GPN2: variants seen among roughly 807,000 people sequenced by gnomAD.
GPN2 encodes ATP-binding domain 1 family member B.
GPN2 carries 27 observed loss-of-function variants against 30.1 expected under a neutral mutation model. That is an observed-to-expected ratio of 0.90 (90% CI 0.66 to 1.24). The LOEUF (loss-of-function observed/expected upper bound fraction) is 1.24. Among genes scored for constraint, GPN2 ranks in the 50% most tolerant of loss-of-function variants. GPN2 has a pLI of 0.00. For missense variants in GPN2, 406 were observed against 405.4 expected (o/e 1.00, Z -0.01); for synonymous variants, 212 against 174.4 (o/e 1.22, Z -1.70).
At chr1:26,880,621 T>G (rs2081859681) in intron 4 of GPN2, among the ~76,000 whole-genome samples, 1 of 152,014 alleles carries the variant, frequency 6.6e-6, no homozygotes, top group Non-Finnish European at 1.5e-5. Context: ...AAAAATAAAT[T>G]TTTATACTTT....
intron 2 of GPN2, among the ~76,000 whole-genome samples, chr1:26,888,482 AACTG>A (rs1288445930): frequency 6.6e-6 from 1 of 152,202 alleles, no homozygotes; most frequent in East Asian, 1.9e-4. Context: ...TGGCAGCACA[AACTG>A]ACTAAGACAA....
chr1:26,878,721 A>C lies in GPN2; in HGVS notation c.*956T>G, dbSNP rs1015993379. ...ATGATTCTCCTGCCTCAGCCTCCCA[A>C]GTAGCTGGAACTACAGGTACGCGCC... On this transcript the variant is annotated 3_prime_UTR_variant, in exon 5 of 5. Coordinates refer to ENST00000374135, the MANE Select transcript of GPN2 (RefSeq NM_018066.4). 6.6e-5 allele frequency: 10 copies of C among 151,860 alleles called. No individual in the cohort carries two copies. The highest frequency in any genetic ancestry group is 2.2e-4 in the African/African-American group (9 of 41,292). The allele number at this position is 151,860 out of a possible 1,614,324, so 9.4% of individuals were successfully genotyped here. A position where few individuals can be genotyped will look rare whatever the true frequency, so the allele number is the denominator to read the frequency against.
Position 26,884,288 on chromosome 1 carries a change from G to A in GPN2, c.732C>T (p.Asp244=). 6.2e-7 allele frequency: 1 copy of A among 1,607,870 alleles called. No homozygotes were observed. The highest frequency in any genetic ancestry group is 8.5e-7 in the Non-Finnish European group (1 of 1,178,282). Residue 244 remains aspartate (D), a splice_region_variant and synonymous_variant, in exon 4 of 5, where the codon GAC becomes GAT. Coordinates refer to ENST00000374135, the MANE Select transcript of GPN2 (RefSeq NM_018066.4). ...GCAGGACTCGCTGGATGCTCTCCTT[G>A]TCCTGAGCAGGGAGGAGAGAAACAG... ...LVSFIPLNIQ[D]KESIQRVLQA...
chr1:26,879,853 C>A, intron 4 of GPN2, 104 bp from the exon 5 acceptor site: 1 of 744,182 alleles, frequency 1.3e-6, no homozygotes, highest in Non-Finnish European at 2.4e-6. Context: ...CATGTCCATC[C>A]CTCTCTTCCT....
intron 4 of GPN2, among the ~76,000 whole-genome samples, chr1:26,882,613 C>T (rs892766234): frequency 2.6e-5 from 4 of 152,170 alleles, no homozygotes; most frequent in Admixed American, 2.6e-4. Context: ...TCCTGAGTCC[C>T]CCTTGTCTCC....
At chr1:26,880,058 T>G (rs2081856752) in intron 4 of GPN2, among the ~76,000 whole-genome samples, 1 of 152,020 alleles carries the variant, frequency 6.6e-6, no homozygotes, top group Admixed American at 6.6e-5. Flanking sequence ...GGGTCTGGGG[T>G]CTGACGAGGA....
intron 2 of GPN2, among the ~76,000 whole-genome samples, chr1:26,888,111 C>A: frequency 1.3e-5 from 2 of 152,202 alleles, no homozygotes; most frequent in East Asian, 3.9e-4. Context: ...CTGCCCACCT[C>A]GGCCTCCCAA....
Position 26,879,342 on chromosome 1 carries a change from GC to G in GPN2, c.*334del, listed in dbSNP as rs1280116907. 7.3e-6 allele frequency: 2 copies of G among 274,140 alleles called. No individual in the cohort carries two copies. The highest frequency in any genetic ancestry group is 2.1e-5 in the African/African-American group (1 of 47,110). The allele number at this position is 274,140 out of a possible 1,614,324, so 17.0% of individuals were successfully genotyped here. A position where few individuals can be genotyped will look rare whatever the true frequency, so the allele number is the denominator to read the frequency against. ...CCCTCATTCTTCCCCAAACCCCTGG[GC>G]CCGGAAGACTGAAGAAAAGTTTGGA... On this transcript the variant is annotated 3_prime_UTR_variant, in exon 5 of 5. Transcript: ENST00000374135.
At position 26,884,301 on chromosome 1, in the gene GPN2, A is replaced by T. The variant is rs749400659; in HGVS notation, c.730-11T>A. ...GATGCTCTCCTTGTCCTGAGCAGGGAGGAGAGAAACAGTTCTGTGAGTGAA... is the reference window on the plus strand; with the variant it reads ...GATGCTCTCCTTGTCCTGAGCAGGGTGGAGAGAAACAGTTCTGTGAGTGAA... On this transcript the variant is annotated splice_polypyrimidine_tract_variant and intron_variant, in intron 3 of 4. Transcript: ENST00000374135. The T allele has an allele frequency of 3.1e-6, 5 of 1,601,308 alleles. No individual in the cohort carries two copies. The Admixed American group carries it at 9.0e-5, about 29-fold the overall frequency.
intron 3 of GPN2, 59 bp downstream of exon 3, chr1:26,885,914 G>A: frequency 1.5e-6 from 2 of 1,347,450 alleles, no homozygotes; most frequent in Non-Finnish European, 2.1e-6. Context: ...AAAGCTTCCT[G>A]TGCTTTTGGC....
At chr1:26,889,617 G>T (rs1445178034) in intron 1 of GPN2, 69 bp downstream of exon 1, 9 of 1,415,828 alleles carry the variant, frequency 6.4e-6, no homozygotes, top group African/African-American at 1.4e-5. Flanking sequence ...TGACATGGGG[G>T]CGTGGCGTCT....
chr1:26,886,636 A>C (rs1453633803), intron 2 of GPN2: 1 of 344,282 alleles, frequency 2.9e-6, no homozygotes, highest in Admixed American at 4.0e-5. Context: ...GGCTAACACG[A>C]TGAAACCCTG....
chr1:26,881,377 G>A (rs1451410964), intron 4 of GPN2, among the ~76,000 whole-genome samples: 1 of 152,170 alleles, frequency 6.6e-6, no homozygotes, highest in Non-Finnish European at 1.5e-5. Flanking sequence ...AATATCTCAT[G>A]TAATTTATTG....
intron 2 of GPN2, chr1:26,886,478 T>G (rs974226735): frequency 1.7e-5 from 8 of 457,414 alleles, no homozygotes; most frequent in African/African-American, 1.4e-4. Flanking sequence ...GGTGATTACC[T>G]GAGGTCAGGA....
In GPN2 at chr1:26,890,085, G is replaced by A. The variant is rs375593579; in HGVS notation, c.12C>T (p.Ala4=). 67 of 1,531,784 alleles carry A rather than the reference G, an allele frequency of 4.4e-5. No homozygotes were observed. The highest frequency in any genetic ancestry group is 5.3e-5 in the Non-Finnish European group (61 of 1,146,142). The allele number at this position is 1,531,784 out of a possible 1,614,324, so 94.9% of individuals were successfully genotyped here. ...CCTGCCCGAAGGCCGTGGTCGGAGC[G>A]GCCCCTGCCATTGGCGGCCCGCGGC... MAG[A]APTTAFGQAV... Residue 4 remains alanine (A), a synonymous_variant, in exon 1 of 5, where the codon GCC becomes GCT. Transcript: ENST00000374135.
Position 26,880,586 on chromosome 1 carries a change from C to T in GPN2, c.861-837G>A, listed in dbSNP as rs187616930. On this transcript the variant is annotated intron_variant, in intron 4 of 4. Coordinates refer to ENST00000374135, the MANE Select transcript of GPN2 (RefSeq NM_018066.4). ...TTGGCCTCCCAAAGTGCTGGGATTACAGGCGTAAGCCACCACGCCTGGCCA... is the reference window on the plus strand; with the variant it reads ...TTGGCCTCCCAAAGTGCTGGGATTATAGGCGTAAGCCACCACGCCTGGCCA... Among the ~76,000 whole-genome samples the T allele has an allele frequency of 9.6e-4, 146 of 152,142 alleles. 1 individual carries two copies. Among genetic ancestry groups the T allele is most frequent in the African/African-American group, 3.3e-3 (135 of 41,486 alleles).
chr1:26,880,883 T>C (rs1050274643), intron 4 of GPN2, among the ~76,000 whole-genome samples: 8 of 152,216 alleles, frequency 5.3e-5, no homozygotes, highest in Admixed American at 3.9e-4. Context: ...AACCCTCACC[T>C]TGAAATGACA....
chr1:26,881,278 C>T (rs751979636), intron 4 of GPN2, among the ~76,000 whole-genome samples: 4 of 152,148 alleles, frequency 2.6e-5, no homozygotes, highest in Admixed American at 2.0e-4. Context: ...AGCTTAGTTT[C>T]GCCTACCTTA....
In GPN2 at chr1:26,879,435, G is replaced by A; in HGVS notation, c.*242C>T. On this transcript the variant is annotated 3_prime_UTR_variant, in exon 5 of 5. Transcript: ENST00000374135. ...TTTCATCACAGCCTGACTAGGACCA[G>A]TGCTCGACTTTCTGGTGGCAGGGCC... is the stretch of plus-strand genomic sequence containing the variant. 1 of 539,640 alleles carries A rather than the reference G, an allele frequency of 1.9e-6. No homozygotes were observed. The highest frequency in any genetic ancestry group is 3.4e-6 in the Non-Finnish European group (1 of 297,348). 33.4% of individuals were successfully genotyped at this position (539,640 alleles called of 1,614,324 possible).
Sources: allele counts gnomAD v4.1 joint callset (sites outside exome capture counted in the v4.1 genomes callset), GRCh38; gene constraint gnomAD v4.1.1; transcripts MANE v1.5; gene names NCBI Gene and HGNC (gene_info 2026-07-23, HGNC 2026-07-21).